Variants in DGKD observed in about 807,000 individuals in gnomAD.
The protein encoded by DGKD is DAG kinase delta.
Under a neutral mutation model 154.4 loss-of-function variants are expected in DGKD, and 68 were observed. The observed-to-expected ratio is 0.44, with a 90% confidence interval of 0.36 to 0.54. The LOEUF (loss-of-function observed/expected upper bound fraction) is 0.54, where lower values mean the gene tolerates loss of function less well. Ranked by LOEUF, DGKD falls within the 20% of genes least tolerant of loss-of-function variation. The pLI, the probability that DGKD is intolerant of heterozygous loss-of-function variation, is 0.00. For synonymous variants in DGKD, 693 were observed against 638.0 expected, an observed-to-expected ratio of 1.09 and a Z score of -1.30; for missense variants, 1,343 against 1,593.6, an observed-to-expected ratio of 0.84 and a Z score of 2.68.
chr2:233,400,716 A>G (rs932604653), intron 3 of DGKD, among the ~76,000 whole-genome samples: 3 of 151,862 alleles, frequency 2.0e-5, no homozygotes, highest in Admixed American at 2.0e-4. Flanking sequence ...GTCACCTCTC[A>G]TGGGCAGGGC....
intron 1 of DGKD, among the ~76,000 whole-genome samples, chr2:233,376,318 G>T (rs1461911102): frequency 1.3e-5 from 2 of 152,192 alleles, no homozygotes; most frequent in Non-Finnish European, 2.9e-5. Flanking sequence ...TCTAAGCATG[G>T]AGAGAGTTGA....
intron 9 of DGKD, among the ~76,000 whole-genome samples, chr2:233,439,277 AT>A (rs893951194): frequency 1.3e-5 from 2 of 152,148 alleles, no homozygotes; most frequent in Non-Finnish European, 2.9e-5. Context: ...GGGTCTGTGT[AT>A]TAGGAGCCAG....
At chr2:233,408,167 C>G (rs2061733243) in intron 3 of DGKD, among the ~76,000 whole-genome samples, 2 of 151,270 alleles carry the variant, frequency 1.3e-5, no homozygotes. Context: ...CTCAGCCTCC[C>G]AAGTAGCTGG....
intron 24 of DGKD, among the ~76,000 whole-genome samples, chr2:233,461,647 C>G (rs2063648558): frequency 1.3e-5 from 2 of 152,252 alleles, no homozygotes; most frequent in African/African-American, 4.8e-5. Context: ...AGCCATTACC[C>G]TGTCCCCTCA....
rs75174151 is a variant in DGKD, at chr2:233,419,691, G to A, written c.349-14689G>A. On this transcript the variant is annotated intron_variant, in intron 3 of 29. Coordinates refer to ENST00000264057, the MANE Select transcript of DGKD (RefSeq NM_152879.3). ...CAGGTGGAAGAGGCTTGTGTGTGGT[G>A]AATTCCTACAGTCTGAGCTTTGTCA... is the stretch of plus-strand genomic sequence containing the variant. Among the ~76,000 whole-genome samples the A allele has an allele frequency of 6.2e-3, 947 of 152,288 alleles. 20 individuals carry two copies. The East Asian group carries it at 0.08, about 13-fold the overall frequency.
intron 16 of DGKD, 69 bp downstream of exon 16, chr2:233,450,200 C>A: frequency 1.3e-6 from 2 of 1,490,706 alleles, no homozygotes; most frequent in Admixed American, 2.4e-5. Context: ...AGCGGGCTTG[C>A]CAGGGGAGGT....
intron 1 of DGKD, among the ~76,000 whole-genome samples, chr2:233,356,086 TCGGGGCAGAGACCTGC>T (rs1701522357): frequency 6.6e-6 from 1 of 152,170 alleles, no homozygotes; most frequent in Non-Finnish European, 1.5e-5. Context: ...CCGCGGAAAC[TCGGGGCAGAGACCTGC>T]CCTGGGGAGG....
chr2:233,370,114 C>G (rs1339910567), intron 1 of DGKD, among the ~76,000 whole-genome samples: 1 of 152,102 alleles, frequency 6.6e-6, no homozygotes, highest in Non-Finnish European at 1.5e-5. Flanking sequence ...AAATCCCTTC[C>G]CCATCGTGAG....
intron 26 of DGKD, 57 bp from the exon 27 acceptor site, chr2:233,464,107 G>C: frequency 6.2e-7 from 1 of 1,609,256 alleles, no homozygotes; most frequent in Non-Finnish European, 8.5e-7. Flanking sequence ...CCTGGGCCTC[G>C]CGCTGATCAG....
intron 5 of DGKD, among the ~76,000 whole-genome samples, chr2:233,435,514 C>T (rs1158224309): frequency 6.6e-6 from 1 of 152,212 alleles, no homozygotes; most frequent in Non-Finnish European, 1.5e-5. Flanking sequence ...TTGTCTCTGG[C>T]TGCTTTTGTG....
chr2:233,417,034 T>C (rs929373113), intron 3 of DGKD, among the ~76,000 whole-genome samples: 34 of 152,280 alleles, frequency 2.2e-4, no homozygotes, highest in African/African-American at 8.2e-4. Context: ...GTGTGCATTT[T>C]TTTATTTTTT....
intron 26 of DGKD, among the ~76,000 whole-genome samples, chr2:233,463,635 T>A (rs1387985840): frequency 1.4e-5 from 2 of 141,508 alleles, no homozygotes; most frequent in Admixed American, 7.0e-5. Flanking sequence ...TCCACGCATC[T>A]CCTCACTCCA....
Position 233,447,425 on chromosome 2 carries a change from G to C in DGKD, c.1419+629G>C, listed in dbSNP as rs1053089510. The C allele has an allele frequency of 1.9e-5, 18 of 969,588 alleles. No homozygotes were observed. The East Asian group carries it at 1.0e-3, about 55-fold the overall frequency. The allele number at this position is 969,588 out of a possible 1,614,324, so 60.1% of individuals were successfully genotyped here. ...AGCTTTTGTCAGGGGCTAGGGCAAC[G>C]GTCAGCAAACAAGGCCTGCAGGCCA... is the stretch of plus-strand genomic sequence containing the variant. On this transcript the variant is annotated intron_variant, in intron 12 of 29. Transcript: ENST00000264057.
rs978917384 is a variant in DGKD, at chr2:233,468,570, C to G, written c.3555+17C>G. ...GACCTCAAGGTACTTCCATAGGCGTCTCCCTGGAACCTGCACTTGGGCTTG... is the reference window on the plus strand; with the variant it reads ...GACCTCAAGGTACTTCCATAGGCGTGTCCCTGGAACCTGCACTTGGGCTTG... On this transcript the variant is annotated intron_variant, in intron 29 of 29. Coordinates refer to ENST00000264057, the MANE Select transcript of DGKD (RefSeq NM_152879.3). 1 of 1,613,102 alleles carries G rather than the reference C, an allele frequency of 6.2e-7. No individual in the cohort carries two copies. Among genetic ancestry groups the G allele is most frequent in the Admixed American group, 1.7e-5 (1 of 60,008 alleles).
intron 1 of DGKD, among the ~76,000 whole-genome samples, chr2:233,365,638 C>T (rs377183568): frequency 4.6e-5 from 7 of 152,226 alleles, no homozygotes; most frequent in East Asian, 3.9e-4. Context: ...GCACATTTGT[C>T]GAAATTCACT....
intron 1 of DGKD, among the ~76,000 whole-genome samples, chr2:233,378,543 C>G (rs1702714627): frequency 6.6e-6 from 1 of 152,190 alleles, no homozygotes; most frequent in African/African-American, 2.4e-5. Flanking sequence ...ATCCACTGTG[C>G]TCAGCCTTGT....
intron 1 of DGKD, chr2:233,379,754 G>C (rs530051118): frequency 6.6e-6 from 1 of 152,198 alleles, no homozygotes; most frequent in South Asian, 2.1e-4. Flanking sequence ...AGGCTCAGGA[G>C]GTTGGGAGTG....
rs1158912052 is a variant in DGKD at position 233,459,573 on chromosome 2, C to T, written c.2695-184C>T. Among the ~76,000 whole-genome samples, 2 of 152,160 alleles carry T rather than the reference C, an allele frequency of 1.3e-5. No homozygotes were observed. Among genetic ancestry groups the T allele is most frequent in the African/African-American group, 4.8e-5 (2 of 41,428 alleles). On this transcript the variant is annotated intron_variant, in intron 22 of 29. Coordinates refer to ENST00000264057, the MANE Select transcript of DGKD (RefSeq NM_152879.3). This position sits in a 1 kb window ranked among gnomAD's most constrained non-coding sequence, Gnocchi z 5.7. Reference sequence around the variant, plus strand: ...GCGGGACAGTGGGAGAACAGACCCTCGGTTGAGTGACACAACAGCAGAAGG... The same window carrying T: ...GCGGGACAGTGGGAGAACAGACCCTTGGTTGAGTGACACAACAGCAGAAGG...
intron 1 of DGKD, among the ~76,000 whole-genome samples, chr2:233,385,629 C>A (rs535494630): frequency 1.3e-5 from 2 of 152,190 alleles, no homozygotes; most frequent in Non-Finnish European, 2.9e-5. Flanking sequence ...CTCTAGGGGG[C>A]AAGGAGAGGC....
Sources: allele counts gnomAD v4.1 joint callset (sites outside exome capture counted in the v4.1 genomes callset), GRCh38; gene constraint gnomAD v4.1.1; non-coding constraint Gnocchi (gnomAD v3.1); transcripts MANE v1.5; gene names NCBI Gene and HGNC (gene_info 2026-07-23, HGNC 2026-07-21).